GRIK1: variants seen among roughly 807,000 people sequenced by gnomAD.
GRIK1 encodes glutamate receptor ionotropic, kainate 1.
GRIK1 carries 69 observed loss-of-function variants against 105.7 expected under a neutral mutation model. That is an observed-to-expected ratio of 0.65 (90% CI 0.54 to 0.80). The LOEUF (loss-of-function observed/expected upper bound fraction) is 0.80, where lower values mean the gene tolerates loss of function less well. Ranked by LOEUF, GRIK1 falls within the 30% of genes least tolerant of loss-of-function variation. GRIK1 has a pLI of 0.00. For missense variants in GRIK1, 1,109 were observed against 1,167.3 expected, an observed-to-expected ratio of 0.95 and a Z score of 0.73; for synonymous variants, 438 against 431.3, an observed-to-expected ratio of 1.02 and a Z score of -0.19.
In GRIK1 at chr21:29,543,216, T is replaced by A. The variant is rs533169851; in HGVS notation, c.2608-5332A>T. Among the ~76,000 whole-genome samples the A allele has an allele frequency of 6.6e-5, 10 of 152,312 alleles. No individual in the cohort carries two copies. In the East Asian group the frequency reaches 1.9e-3, roughly 29 times the overall value. ...AAAACTTCACTTCCTTAACATTTTT[T>A]AACTCTAAGCTCTAGTGTAGGAGCA... On this transcript the variant is annotated intron_variant, in intron 16 of 17. Coordinates refer to ENST00000327783, the MANE Select transcript of GRIK1 (RefSeq NM_001330994.2).
intron 14 of GRIK1, among the ~76,000 whole-genome samples, chr21:29,568,470 A>G (rs2090662485): frequency 6.6e-6 from 1 of 152,230 alleles, no homozygotes; most frequent in Admixed American, 6.5e-5. Context: ...GATAAAGGTT[A>G]GAGAATCCCT....
intron 7 of GRIK1, among the ~76,000 whole-genome samples, chr21:29,614,765 C>G (rs2061808724): frequency 6.6e-6 from 1 of 151,426 alleles, no homozygotes; most frequent in African/African-American, 2.5e-5. Context: ...CTTTCCACCT[C>G]CATCTACTGC....
At chr21:29,588,328 A>G (rs1260512955) in intron 11 of GRIK1, among the ~76,000 whole-genome samples, 1 of 152,154 alleles carries the variant, frequency 6.6e-6, no homozygotes. Context: ...GTCCCCACCT[A>G]AATCTCACCT....
intron 1 of GRIK1, among the ~76,000 whole-genome samples, chr21:29,736,755 G>A (rs1489994307): frequency 6.7e-6 from 1 of 148,180 alleles, no homozygotes; most frequent in African/African-American, 2.5e-5. Flanking sequence ...TTGGATCACT[G>A]CAACCTCTGC....
At position 29,669,584 on chromosome 21, in the gene GRIK1, C is replaced by T. The variant is rs557525755; in HGVS notation, c.726+3399G>A. Among the ~76,000 whole-genome samples, 6 of 152,300 alleles carry T rather than the reference C, an allele frequency of 3.9e-5. No individual in the cohort carries two copies. In the South Asian group the frequency reaches 1.2e-3, roughly 32 times the overall value. ...CTGAGATCAGGCAGTCTGGAGACCA[C>T]ATGGCAGCCTAGCCAGGCTCAGAGA... On this transcript the variant is annotated intron_variant, in intron 4 of 17. Coordinates refer to ENST00000327783, the MANE Select transcript of GRIK1 (RefSeq NM_001330994.2).
chr21:29,721,601 C>CA (rs140389060), intron 1 of GRIK1, among the ~76,000 whole-genome samples: 12,008 of 137,100 alleles, frequency 0.088, 530 homozygotes, highest in African/African-American at 0.12. Flanking sequence ...GAATACATAC[C>CA]AAAAAAAAAA....
chr21:29,755,693 G>T lies in GRIK1; in HGVS notation c.119-61630C>A, dbSNP rs564389132. 2.6e-5 allele frequency among the ~76,000 whole-genome samples: 4 copies of T among 152,304 alleles called. No individual in the cohort carries two copies. The South Asian group carries it at 8.3e-4, about 32-fold the overall frequency. On this transcript the variant is annotated intron_variant, in intron 1 of 17. Coordinates refer to ENST00000327783, the MANE Select transcript of GRIK1 (RefSeq NM_001330994.2). ...GCATCCACAGGAGCCCTCTGATATG[G>T]AATGAGAACTGGAGGAGAGAAATCA...
chr21:29,560,335 CTTTCTTTCTTTCTTTCTTTCTTTTTCTTT>C (rs1568812933), intron 15 of GRIK1, among the ~76,000 whole-genome samples: 1 of 118,006 alleles, frequency 8.5e-6, no homozygotes, highest in Non-Finnish European at 1.7e-5. Context: ...TTCTTTCTTT[CTTTCTTTCTTTCTTTCTTTCTTTTTCTTT>C]CTTCCTTCCT....
chr21:29,910,084 T>C (rs1483809673), intron 1 of GRIK1, among the ~76,000 whole-genome samples: 3 of 152,128 alleles, frequency 2.0e-5, no homozygotes, highest in African/African-American at 4.8e-5. Flanking sequence ...CTTGAGGGAA[T>C]TGAAACTCCA....
intron 1 of GRIK1, among the ~76,000 whole-genome samples, chr21:29,769,077 G>A (rs1205402632): frequency 6.6e-6 from 1 of 152,066 alleles, no homozygotes; most frequent in African/African-American, 2.4e-5. Flanking sequence ...AGCACCATGA[G>A]GGCAGAAACT....
chr21:29,838,406 G>C (rs2067871877), intron 1 of GRIK1, among the ~76,000 whole-genome samples: 1 of 152,048 alleles, frequency 6.6e-6, no homozygotes, highest in Non-Finnish European at 1.5e-5. Flanking sequence ...CTTCCATCTT[G>C]TTTGTACTGA....
At chr21:29,836,605 A>G (rs893474310) in intron 1 of GRIK1, among the ~76,000 whole-genome samples, 3 of 152,146 alleles carry the variant, frequency 2.0e-5, no homozygotes, top group African/African-American at 7.2e-5. Flanking sequence ...TAAACATGAA[A>G]GTTGGATATT....
intron 1 of GRIK1, among the ~76,000 whole-genome samples, chr21:29,881,064 T>A (rs1254779724): frequency 1.3e-5 from 2 of 152,164 alleles, no homozygotes; most frequent in Non-Finnish European, 2.9e-5. Context: ...AAAAGCCTAA[T>A]CCTGATTTGT....
At chr21:29,659,535 T>C (rs144091300) in intron 4 of GRIK1, among the ~76,000 whole-genome samples, 7 of 152,310 alleles carry the variant, frequency 4.6e-5, no homozygotes, top group African/African-American at 1.7e-4. Context: ...CTTGTACCTA[T>C]TGTAAATGCT....
At chr21:29,689,241 CATCA>C (rs1270038544) in intron 3 of GRIK1, among the ~76,000 whole-genome samples, 1 of 152,172 alleles carries the variant, frequency 6.6e-6, no homozygotes, top group Non-Finnish European at 1.5e-5. Flanking sequence ...ATTAAGCACT[CATCA>C]ATGGGGATTC....
intron 6 of GRIK1, 65 bp downstream of exon 6, chr21:29,651,053 G>C: frequency 1.7e-6 from 2 of 1,185,606 alleles, no homozygotes; most frequent in South Asian, 3.0e-5. Context: ...TTAAAGATAC[G>C]TGAGATCTTA....
intron 15 of GRIK1, 125 bp from the exon 16 acceptor site, chr21:29,555,427 A>C: frequency 1.2e-6 from 1 of 844,968 alleles, no homozygotes; most frequent in Non-Finnish European, 1.9e-6. Flanking sequence ...CCACAAATTG[A>C]CTTGCAAAGG....
intron 1 of GRIK1, among the ~76,000 whole-genome samples, chr21:29,719,265 A>T (rs962761732): frequency 4.6e-5 from 7 of 151,330 alleles, no homozygotes; most frequent in Non-Finnish European, 8.8e-5. Context: ...TCTAGATGAA[A>T]TTTTTTTCCT....
chr21:29,850,492 C>T (rs2068271295), intron 1 of GRIK1, among the ~76,000 whole-genome samples: 1 of 152,160 alleles, frequency 6.6e-6, no homozygotes, highest in African/African-American at 2.4e-5. Flanking sequence ...TCTCCCCTGG[C>T]CACTCCTATT....
Sources: allele counts gnomAD v4.1 joint callset (sites outside exome capture counted in the v4.1 genomes callset), GRCh38; gene constraint gnomAD v4.1.1; transcripts MANE v1.5; gene names NCBI Gene and HGNC (gene_info 2026-07-23, HGNC 2026-07-21).